The following ETV6 variants were observed in gnomAD, a reference collection of about 807,000 sequenced individuals.
ETV6 encodes the protein transcription factor ETV6.
A neutral mutation model predicts 51.1 loss-of-function variants in ETV6; 16 were observed. The observed-to-expected ratio is 0.31, with a 90% CI of 0.21 to 0.48. The LOEUF is 0.48. Among genes scored for constraint, ETV6 ranks in the 20% least tolerant of loss-of-function variants. ETV6 has a pLI of 0.99. For missense variants in ETV6, 458 were observed against 594.8 expected, an observed-to-expected ratio of 0.77 and a Z score of 2.39; for synonymous variants, 240 against 224.1, an observed-to-expected ratio of 1.07 and a Z score of -0.64.
At chr12:11,871,694 A>G (rs1946883766) in intron 5 of ETV6, among the ~76,000 whole-genome samples, 1 of 152,238 alleles carries the variant, frequency 6.6e-6, no homozygotes, top group Admixed American at 6.5e-5. Context: ...ATTCCATTCA[A>G]AACGATCCTG....
At chr12:11,818,443 G>T (rs563730190) in intron 2 of ETV6, among the ~76,000 whole-genome samples, 1 of 151,434 alleles carries the variant, frequency 6.6e-6, no homozygotes, top group African/African-American at 2.4e-5. Flanking sequence ...CACAACAATC[G>T]CTTGAACCTG....
intron 2 of ETV6, among the ~76,000 whole-genome samples, chr12:11,828,156 G>A (rs975032199): frequency 3.6e-4 from 55 of 152,196 alleles, no homozygotes; most frequent in African/African-American, 1.3e-3. Context: ...TGCAGTATAG[G>A]AAATGCTGCC....
intron 3 of ETV6, among the ~76,000 whole-genome samples, chr12:11,851,156 C>T (rs1946547607): frequency 6.6e-6 from 1 of 152,046 alleles, no homozygotes; most frequent in East Asian, 1.9e-4. Context: ...GTTAAGTGAA[C>T]CAAGCTGAAC....
chr12:11,817,706 C>T (rs1946013121), intron 2 of ETV6, among the ~76,000 whole-genome samples: 1 of 152,176 alleles, frequency 6.6e-6, no homozygotes, highest in African/African-American at 2.4e-5. Flanking sequence ...GGCCAGCCCC[C>T]ATGCCAGCTC....
intron 1 of ETV6, among the ~76,000 whole-genome samples, chr12:11,663,782 TG>T (rs1362076724): frequency 6.6e-6 from 1 of 152,128 alleles, no homozygotes; most frequent in African/African-American, 2.4e-5. Context: ...TATGTGTGTG[TG>T]TGTGTGTCTT....
In ETV6 at chr12:11,894,978, T is replaced by C. The variant is rs2136629296; in HGVS notation, c.*3932T>C. 4.3e-6 allele frequency: 1 copy of C among 233,532 alleles called. No individual in the cohort carries two copies. The highest frequency in any genetic ancestry group is 6.0e-5 in the East Asian group (1 of 16,584). 14.5% of individuals were successfully genotyped at this position (233,532 alleles called of 1,614,324 possible). On this transcript the variant is annotated 3_prime_UTR_variant, in exon 8 of 8. Transcript: ENST00000396373. ...CTCCTGCTCCTCTTCGGAGTAGAAATAAAGGCTGTGACACAAGGAAGCCAG... is the reference window on the plus strand; with the variant it reads ...CTCCTGCTCCTCTTCGGAGTAGAAACAAAGGCTGTGACACAAGGAAGCCAG...
intron 1 of ETV6, among the ~76,000 whole-genome samples, chr12:11,696,193 C>T (rs1253736200): frequency 6.6e-6 from 1 of 152,118 alleles, no homozygotes. Flanking sequence ...CTGTATAGCA[C>T]TTGTCAGTCT....
At chr12:11,761,295 A>C (rs1249184582) in intron 2 of ETV6, among the ~76,000 whole-genome samples, 1 of 152,196 alleles carries the variant, frequency 6.6e-6, no homozygotes, top group Non-Finnish European at 1.5e-5. Flanking sequence ...GCTATAAACC[A>C]AATTATCTTT....
rs61921854 is a variant in ETV6, at chr12:11,841,865, G to A, written c.328+2561G>A. Among the ~76,000 whole-genome samples the A allele has an allele frequency of 2.7e-3, 411 of 152,104 alleles. 2 individuals are homozygous for A. Among genetic ancestry groups the A allele is most frequent in the South Asian group, 0.024 (117 of 4,828 alleles). ...TGGGAGGCCGAGGCGGGCGGATCAC[G>A]AGGTCAGGAGATCGAGACCATCCCG... is the stretch of plus-strand genomic sequence containing the variant. On this transcript the variant is annotated intron_variant, in intron 3 of 7. Coordinates refer to ENST00000396373, the MANE Select transcript of ETV6 (RefSeq NM_001987.5).
At chr12:11,781,022 A>G (rs768300515) in intron 2 of ETV6, among the ~76,000 whole-genome samples, 12 of 152,214 alleles carry the variant, frequency 7.9e-5, no homozygotes, top group African/African-American at 2.4e-4. Context: ...GCAAATCTCA[A>G]TGAGTTTTGT....
chr12:11,751,910 A>G, intron 1 of ETV6: 1 of 466,882 alleles, frequency 2.1e-6, no homozygotes, highest in Non-Finnish European at 4.3e-6. Flanking sequence ...TGGACAATAG[A>G]AAAATCTTCC....
rs187515408 is a variant in ETV6 at position 11,885,099 on chromosome 12, G to A, written c.1152+512G>A. On this transcript the variant is annotated intron_variant, in intron 6 of 7. Coordinates refer to ENST00000396373, the MANE Select transcript of ETV6 (RefSeq NM_001987.5). Reference sequence around the variant, plus strand: ...CACAATTTCCCAAACTGGGAGGAGGGAATGGAATTGAATAAAGTCTTTTGC... The same window carrying A: ...CACAATTTCCCAAACTGGGAGGAGGAAATGGAATTGAATAAAGTCTTTTGC... Among the ~76,000 whole-genome samples the A allele has an allele frequency of 4.0e-3, 613 of 152,332 alleles. 2 individuals carry two copies. Among genetic ancestry groups the A allele is most frequent in the Middle Eastern group, 6.8e-3 (2 of 294 alleles).
At chr12:11,694,078 A>G (rs1591613933) in intron 1 of ETV6, among the ~76,000 whole-genome samples, 1 of 152,384 alleles carries the variant, frequency 6.6e-6, no homozygotes, top group African/African-American at 2.4e-5. Flanking sequence ...ACACTGTATC[A>G]TGCCGTGGCA....
At chr12:11,806,581 G>A (rs1257921305) in intron 2 of ETV6, among the ~76,000 whole-genome samples, 1 of 152,140 alleles carries the variant, frequency 6.6e-6, no homozygotes, top group Admixed American at 6.5e-5. Context: ...AGGTTTTCAT[G>A]TTTAAAAAGT....
intron 2 of ETV6, among the ~76,000 whole-genome samples, chr12:11,830,477 C>T (rs1413528300): frequency 7.2e-5 from 11 of 152,340 alleles, no homozygotes; most frequent in East Asian, 1.9e-4. Flanking sequence ...TTAGCTCCCT[C>T]GCAGAATAGA....
intron 2 of ETV6, among the ~76,000 whole-genome samples, chr12:11,771,150 C>T (rs1184561091): frequency 6.6e-6 from 1 of 152,150 alleles, no homozygotes; most frequent in East Asian, 1.9e-4. Context: ...TACAGCTTAC[C>T]GTGATGAGCA....
intron 1 of ETV6, among the ~76,000 whole-genome samples, chr12:11,713,844 A>T (rs990710953): frequency 3.3e-5 from 5 of 152,202 alleles, no homozygotes; most frequent in Non-Finnish European, 7.3e-5. Context: ...GAACAATTAA[A>T]TTCAGTAATG....
chr12:11,795,465 G>T (rs1436556374), intron 2 of ETV6, among the ~76,000 whole-genome samples: 1 of 152,228 alleles, frequency 6.6e-6, no homozygotes, highest in Non-Finnish European at 1.5e-5. Context: ...AGGAAACCAG[G>T]CCAATAGAGC....
intron 2 of ETV6, among the ~76,000 whole-genome samples, chr12:11,755,185 T>A (rs1944989403): frequency 6.6e-6 from 1 of 152,258 alleles, no homozygotes; most frequent in Non-Finnish European, 1.5e-5. Flanking sequence ...TTCTAATTGC[T>A]GTTCTGTCTG....
Sources: gnomAD v4.1 joint callset for allele counts (sites outside exome capture counted in the v4.1 genomes callset) on GRCh38, gnomAD v4.1.1 for gene constraint, MANE v1.5 for transcripts, NCBI Gene and HGNC (gene_info 2026-07-23, HGNC 2026-07-21) for gene names.